RASAL2: variants seen among roughly 807,000 people sequenced by gnomAD.
RASAL2 encodes the protein ras GTPase-activating protein nGAP.
In RASAL2, 58 loss-of-function variants were observed where a neutral mutation model predicts 128.9. The ratio of observed to expected loss-of-function variants is 0.45; its 90% CI spans 0.36 to 0.56. The LOEUF (loss-of-function observed/expected upper bound fraction) is 0.56, where lower values mean the gene tolerates loss of function less well. Among genes scored for constraint, RASAL2 ranks in the 20% least tolerant of loss-of-function variants. The probability of loss-of-function intolerance (pLI) is 0.00; values close to 1 mark genes in which losing one functional copy is unlikely to be tolerated. For synonymous variants in RASAL2, 561 were observed against 580.8 expected, an observed-to-expected ratio of 0.97 and a Z score of 0.49; for missense variants, 1,360 against 1,601.6, an observed-to-expected ratio of 0.85 and a Z score of 2.57.
intron 3 of RASAL2, among the ~76,000 whole-genome samples, chr1:178,340,635 C>CA (rs901177636): frequency 2.0e-5 from 3 of 152,064 alleles, no homozygotes; most frequent in African/African-American, 7.2e-5. Context: ...TTAATCTCAA[C>CA]AGGAAATCTC....
intron 1 of RASAL2, among the ~76,000 whole-genome samples, chr1:178,165,757 G>T (rs922905572): frequency 6.6e-6 from 1 of 152,086 alleles, no homozygotes; most frequent in Non-Finnish European, 1.5e-5. Context: ...GAACTGAAAG[G>T]AACCTTACAA....
At chr1:178,164,991 A>G (rs1661472451) in intron 1 of RASAL2, among the ~76,000 whole-genome samples, 2 of 152,026 alleles carry the variant, frequency 1.3e-5, no homozygotes, top group South Asian at 4.1e-4. Context: ...AAATACAACT[A>G]TTTACATTGC....
chr1:178,181,239 T>C (rs989305541), intron 1 of RASAL2, among the ~76,000 whole-genome samples: 1 of 152,282 alleles, frequency 6.6e-6, no homozygotes, highest in African/African-American at 2.4e-5. Context: ...AGAGTTCCCA[T>C]ATGCTTCACA....
At chr1:178,470,679 G>C (rs773681143) in intron 17 of RASAL2, 1 of 1,365,082 alleles carries the variant, frequency 7.3e-7, no homozygotes, top group Non-Finnish European at 9.8e-7. Flanking sequence ...TATCTCCGCT[G>C]TGTTAAATTA....
At chr1:178,454,722 C>A in intron 12 of RASAL2, 74 bp downstream of exon 12, 1 of 1,261,538 alleles carries the variant, frequency 7.9e-7, no homozygotes, top group Non-Finnish European at 1.1e-6. Flanking sequence ...AGTGATAGCA[C>A]TCACTCTTTC....
intron 1 of RASAL2, among the ~76,000 whole-genome samples, chr1:178,161,113 T>TA (rs5778978): frequency 0.98 from 145,533 of 148,860 alleles, 71,134 homozygotes; most frequent in East Asian, 1. Flanking sequence ...TCAAATACTT[T>TA]AAAAAAAAAA....
At chr1:178,362,977 AT>A (rs1268708693) in intron 3 of RASAL2, among the ~76,000 whole-genome samples, 1 of 152,096 alleles carries the variant, frequency 6.6e-6, no homozygotes, top group Non-Finnish European at 1.5e-5. Flanking sequence ...GGGAATGCAG[AT>A]TTTTTTAATA....
At chr1:178,362,113 T>A (rs892731596) in intron 3 of RASAL2, among the ~76,000 whole-genome samples, 25 of 152,098 alleles carry the variant, frequency 1.6e-4, no homozygotes, top group Non-Finnish European at 3.5e-4. Context: ...GGCCTGGGGG[T>A]TGGGGACCCC....
At chr1:178,444,208 T>C (rs1297471609) in intron 8 of RASAL2, among the ~76,000 whole-genome samples, 1 of 152,166 alleles carries the variant, frequency 6.6e-6, no homozygotes, top group Non-Finnish European at 1.5e-5. Flanking sequence ...ATTAAGACTT[T>C]TTTAAATGAC....
chr1:178,346,708 A>G (rs767913152), intron 3 of RASAL2, among the ~76,000 whole-genome samples: 17 of 152,200 alleles, frequency 1.1e-4, no homozygotes, highest in Non-Finnish European at 2.2e-4. Context: ...TTTAAAATCA[A>G]TTAAACACCT....
chr1:178,129,931 T>C (rs1479201458), intron 1 of RASAL2, among the ~76,000 whole-genome samples: 3 of 152,154 alleles, frequency 2.0e-5, no homozygotes, highest in African/African-American at 7.2e-5. Context: ...TTGACACTAG[T>C]ACATTAAATT....
intron 1 of RASAL2, among the ~76,000 whole-genome samples, chr1:178,261,213 A>G (rs535121839): frequency 6.6e-6 from 1 of 152,320 alleles, no homozygotes; most frequent in South Asian, 2.1e-4. Flanking sequence ...AAGTAGAAAA[A>G]TAAGAACTCT....
chr1:178,314,923 A>G (rs917994693), intron 3 of RASAL2, among the ~76,000 whole-genome samples: 22 of 135,306 alleles, frequency 1.6e-4, no homozygotes, highest in African/African-American at 3.6e-4. Context: ...ATATCTCCCA[A>G]TGCTATCCCT....
intron 1 of RASAL2, among the ~76,000 whole-genome samples, chr1:178,227,662 A>G (rs1250112312): frequency 6.6e-6 from 1 of 152,198 alleles, no homozygotes; most frequent in Admixed American, 6.5e-5. Context: ...TTGAAATATG[A>G]TTCTGTGAAT....
At chr1:178,414,616 C>G (rs993031490) in intron 4 of RASAL2, among the ~76,000 whole-genome samples, 12 of 152,126 alleles carry the variant, frequency 7.9e-5, no homozygotes, top group Non-Finnish European at 1.5e-5. Flanking sequence ...GAATCTAGAA[C>G]TAAGTTAAGA....
intron 2 of RASAL2, among the ~76,000 whole-genome samples, chr1:178,298,352 C>T (rs2102264093): frequency 6.6e-6 from 1 of 152,084 alleles, no homozygotes; most frequent in Non-Finnish European, 1.5e-5. Flanking sequence ...TTTCTTCTGC[C>T]CTTCAATTTC....
intron 3 of RASAL2, among the ~76,000 whole-genome samples, chr1:178,334,739 C>T (rs1669505088): frequency 6.6e-6 from 1 of 152,152 alleles, no homozygotes; most frequent in Non-Finnish European, 1.5e-5. Flanking sequence ...GGGATGGACC[C>T]ATGAGGTCAA....
At chr1:178,097,050 CTTCG>C (rs1244691983) in intron 1 of RASAL2, among the ~76,000 whole-genome samples, 1 of 152,156 alleles carries the variant, frequency 6.6e-6, no homozygotes, top group East Asian at 1.9e-4. Context: ...TGTTCAAAAC[CTTCG>C]TTGTCTTGGA....
chr1:178,306,172 T>G (rs902380739), intron 3 of RASAL2, among the ~76,000 whole-genome samples: 2 of 152,204 alleles, frequency 1.3e-5, no homozygotes. Context: ...CTTGCGATAG[T>G]TTACTGAGAA....
Sources: allele counts gnomAD v4.1 joint callset (sites outside exome capture counted in the v4.1 genomes callset), GRCh38; gene constraint gnomAD v4.1.1; transcripts MANE v1.5; gene names NCBI Gene and HGNC (gene_info 2026-07-23, HGNC 2026-07-21).